OR10J1: variants seen among roughly 807,000 people sequenced by gnomAD.
OR10J1 encodes the protein olfactory receptor 10J1.
For missense variants in OR10J1, 474 were observed against 376.6 expected, an observed-to-expected ratio of 1.26 and a Z score of -2.14; for synonymous variants, 202 against 143.8, an observed-to-expected ratio of 1.40 and a Z score of -2.89.
At position 159,440,777 on chromosome 1, in the gene OR10J1, A is replaced by G; in HGVS notation, c.*56A>G. ...AACATCCACACTAGGCAGGAATATG[A>G]GGTGTAAACTCACAAACACTTGGCT... is the stretch of plus-strand genomic sequence containing the variant. On this transcript the variant is annotated 3_prime_UTR_variant, in exon 1 of 1. Transcript: ENST00000423932. The G allele has an allele frequency of 6.5e-7, 1 of 1,542,908 alleles. No individual in the cohort carries two copies. Among genetic ancestry groups the G allele is most frequent in the East Asian group, 2.3e-5 (1 of 44,172 alleles).
chr1:159,414,675 A>G, the OR10J1 span, among the ~76,000 whole-genome samples: 1 of 152,090 alleles, frequency 6.6e-6, no homozygotes, highest in Non-Finnish European at 1.5e-5. Context: ...ACTGTTTTCT[A>G]TAGCAACTGT....
At chr1:159,421,078 C>T in the OR10J1 span, among the ~76,000 whole-genome samples, 10 of 152,144 alleles carry the variant, frequency 6.6e-5, no homozygotes, top group South Asian at 2.1e-3. Context: ...GTCAGATAGG[C>T]TTTGTAATTC....
chr1:159,419,366 C>A, the OR10J1 span, among the ~76,000 whole-genome samples: 66 of 152,220 alleles, frequency 4.3e-4, no homozygotes, highest in African/African-American at 1.6e-3. Flanking sequence ...CTTTCCCATG[C>A]TGTTCTTGTG....
At chr1:159,422,942 C>G in the OR10J1 span, among the ~76,000 whole-genome samples, 4 of 152,114 alleles carry the variant, frequency 2.6e-5, no homozygotes, top group Non-Finnish European at 4.4e-5. Context: ...TCTGGTGCTT[C>G]CTATAACTGT....
upstream of OR10J1, among the ~76,000 whole-genome samples, chr1:159,436,230 T>C (rs556470005): frequency 6.6e-6 from 1 of 152,198 alleles, no homozygotes; most frequent in South Asian, 2.1e-4. Context: ...CAATGATATC[T>C]GATCATGAAC....
the OR10J1 span, among the ~76,000 whole-genome samples, chr1:159,409,332 C>T: frequency 2.6e-5 from 4 of 152,174 alleles, no homozygotes; most frequent in Admixed American, 2.6e-4. Context: ...TGACTGCTCA[C>T]CGATTAAACC....
chr1:159,421,251 T>C, the OR10J1 span, among the ~76,000 whole-genome samples: 1 of 151,746 alleles, frequency 6.6e-6, no homozygotes, highest in African/African-American at 2.4e-5. Flanking sequence ...TGTTAGGTTC[T>C]TTTTTATGTT....
the OR10J1 span, among the ~76,000 whole-genome samples, chr1:159,401,955 C>T: frequency 6.6e-6 from 1 of 151,868 alleles, no homozygotes; most frequent in African/African-American, 2.4e-5. Context: ...GCAAATCAAT[C>T]AATGTGATAC....
At chr1:159,401,652 C>A in the OR10J1 span, among the ~76,000 whole-genome samples, 2 of 151,940 alleles carry the variant, frequency 1.3e-5, no homozygotes, top group South Asian at 4.1e-4. Flanking sequence ...GGCTTCACTG[C>A]TGAATTCTAC....
At chr1:159,421,409 T>C in the OR10J1 span, among the ~76,000 whole-genome samples, 1 of 152,220 alleles carries the variant, frequency 6.6e-6, no homozygotes, top group Admixed American at 6.5e-5. Context: ...TTCTTTTTGA[T>C]TTGGATCTCT....
the OR10J1 span, among the ~76,000 whole-genome samples, chr1:159,412,061 A>C: frequency 2.0e-5 from 3 of 152,122 alleles, no homozygotes; most frequent in Non-Finnish European, 4.4e-5. Context: ...ACAGAGAGCT[A>C]AATCATGAGT....
the OR10J1 span, among the ~76,000 whole-genome samples, chr1:159,423,812 G>T: frequency 5.3e-5 from 8 of 152,280 alleles, no homozygotes; most frequent in South Asian, 1.7e-3. Flanking sequence ...TGACGTCTGG[G>T]TGCTTCCTAA....
the OR10J1 span, among the ~76,000 whole-genome samples, chr1:159,426,256 C>G: frequency 6.6e-6 from 1 of 151,720 alleles, no homozygotes; most frequent in African/African-American, 2.4e-5. Context: ...AATGGAAACA[C>G]AGAGGCTCTC....
At chr1:159,405,239 A>G in the OR10J1 span, among the ~76,000 whole-genome samples, 12 of 152,250 alleles carry the variant, frequency 7.9e-5, 1 homozygote, top group South Asian at 2.5e-3. Context: ...TCAAAATAGA[A>G]TAACACATCT....
upstream of OR10J1, among the ~76,000 whole-genome samples, chr1:159,434,045 G>A (rs1167846201): frequency 6.6e-6 from 1 of 151,972 alleles, no homozygotes; most frequent in Non-Finnish European, 1.5e-5. Context: ...TACATTTATT[G>A]AATGTATCCT....
chr1:159,409,234 T>A, the OR10J1 span, among the ~76,000 whole-genome samples: 27 of 152,078 alleles, frequency 1.8e-4, no homozygotes, highest in Non-Finnish European at 3.8e-4. Flanking sequence ...CCGCAGCTAT[T>A]CTCTGAATCT....
At chr1:159,407,936 C>T in the OR10J1 span, among the ~76,000 whole-genome samples, 1 of 151,884 alleles carries the variant, frequency 6.6e-6, no homozygotes, top group Non-Finnish European at 1.5e-5. Flanking sequence ...ATGGGAGTAA[C>T]AATGTAGAGA....
the OR10J1 span, among the ~76,000 whole-genome samples, chr1:159,398,956 G>T: frequency 6.6e-6 from 1 of 151,984 alleles, no homozygotes; most frequent in Non-Finnish European, 1.5e-5. Flanking sequence ...GCATGAAGCA[G>T]ATTTAACCCA....
the OR10J1 span, among the ~76,000 whole-genome samples, chr1:159,412,144 C>T: frequency 2.0e-4 from 30 of 151,864 alleles, no homozygotes; most frequent in African/African-American, 6.8e-4. Context: ...CGTGAAGGAC[C>T]TCTTCAAGGA....
Sources: gnomAD v4.1 joint callset for allele counts (sites outside exome capture counted in the v4.1 genomes callset) on GRCh38, gnomAD v4.1.1 for gene constraint, MANE v1.5 for transcripts, NCBI Gene and HGNC (gene_info 2026-07-23, HGNC 2026-07-21) for gene names.